CHST9: variants seen among roughly 807,000 people sequenced by gnomAD.
CHST9 encodes GalNAc-4-sulfotransferase 2.
A neutral mutation model predicts 44.4 loss-of-function variants in CHST9; 41 were observed. The ratio of observed to expected loss-of-function variants is 0.92; its 90% confidence interval spans 0.72 to 1.20. The LOEUF (loss-of-function observed/expected upper bound fraction) is 1.20, where lower values mean the gene tolerates loss of function less well. CHST9 is among the 50% of genes most tolerant of loss of function. The pLI, the probability that CHST9 is intolerant of heterozygous loss-of-function variation, is 0.00. For missense variants in CHST9, 504 were observed against 516.5 expected, an observed-to-expected ratio of 0.98 and a Z score of 0.23; for synonymous variants, 171 against 178.4, an observed-to-expected ratio of 0.96 and a Z score of 0.33.
chr18:26,971,219 T>A (rs918354932), intron 4 of CHST9, among the ~76,000 whole-genome samples: 12 of 148,752 alleles, frequency 8.1e-5, no homozygotes, highest in Non-Finnish European at 1.6e-4. Flanking sequence ...TAGTAGGTAC[T>A]TAATGTTGAT....
intron 4 of CHST9, among the ~76,000 whole-genome samples, chr18:26,968,940 G>C (rs1313392625): frequency 4.6e-5 from 7 of 151,290 alleles, no homozygotes; most frequent in Non-Finnish European, 8.8e-5. Context: ...CCTCACATGG[G>C]TTCAAGTCTA....
intron 2 of CHST9, among the ~76,000 whole-genome samples, chr18:27,093,956 A>G (rs1294126371): frequency 6.6e-6 from 1 of 151,874 alleles, no homozygotes; most frequent in Non-Finnish European, 1.5e-5. Flanking sequence ...AAAAAGGTGT[A>G]TGTTCTTAGT....
At chr18:27,106,468 G>T (rs927806087) in intron 2 of CHST9, among the ~76,000 whole-genome samples, 12 of 152,060 alleles carry the variant, frequency 7.9e-5, no homozygotes, top group African/African-American at 7.2e-5. Context: ...TGTTGTAATT[G>T]TTGTCTTAGC....
intron 4 of CHST9, among the ~76,000 whole-genome samples, chr18:26,973,842 A>G (rs182825955): frequency 3.1e-4 from 47 of 152,272 alleles, no homozygotes; most frequent in Admixed American, 3.0e-3. Context: ...CTTGGTGCCT[A>G]CGGGCTCAAG....
chr18:27,035,488 TTG>T (rs1488304822), intron 3 of CHST9, among the ~76,000 whole-genome samples: 3 of 152,116 alleles, frequency 2.0e-5, no homozygotes, highest in African/African-American at 7.2e-5. Context: ...AGACGTGTGT[TTG>T]TGTGTGTATT....
intron 4 of CHST9, among the ~76,000 whole-genome samples, chr18:26,986,190 G>T (rs1442800103): frequency 6.6e-6 from 1 of 151,992 alleles, no homozygotes; most frequent in East Asian, 1.9e-4. Context: ...TAGCAGGCAA[G>T]GATATTTTAA....
At chr18:27,183,329 A>G (rs1256733747) in intron 1 of CHST9, among the ~76,000 whole-genome samples, 1 of 152,228 alleles carries the variant, frequency 6.6e-6, no homozygotes, top group African/African-American at 2.4e-5. Flanking sequence ...GAAATGAGTA[A>G]GTACGTTTTG....
At chr18:27,073,682 C>T (rs762071254) in intron 2 of CHST9, among the ~76,000 whole-genome samples, 1 of 151,816 alleles carries the variant, frequency 6.6e-6, no homozygotes. Context: ...ATGAGATTGA[C>T]GTATTCAGTA....
intron 2 of CHST9, among the ~76,000 whole-genome samples, chr18:27,059,901 G>A (rs1398300220): frequency 6.6e-6 from 1 of 152,204 alleles, no homozygotes; most frequent in Non-Finnish European, 1.5e-5. Context: ...TGGATAGAAG[G>A]AAGAAAACAT....
intron 5 of CHST9, chr18:26,933,892 G>C (rs1353824234): frequency 6.5e-6 from 1 of 153,320 alleles, no homozygotes; most frequent in Non-Finnish European, 1.5e-5. Context: ...GGAAGGTTAC[G>C]TTAAATAGAT....
intron 4 of CHST9, among the ~76,000 whole-genome samples, chr18:26,974,585 T>C (rs569079459): frequency 6.6e-6 from 1 of 152,330 alleles, no homozygotes; most frequent in Admixed American, 6.5e-5. Context: ...CTGGCAGCTT[T>C]CAGATTCTTC....
intron 1 of CHST9, among the ~76,000 whole-genome samples, chr18:27,177,517 G>A (rs1233659674): frequency 6.6e-6 from 1 of 151,842 alleles, no homozygotes; most frequent in Non-Finnish European, 1.5e-5. Context: ...TCTTGGTACT[G>A]AAATTAATGG....
At chr18:27,120,008 G>A (rs2058361165) in intron 2 of CHST9, among the ~76,000 whole-genome samples, 1 of 152,212 alleles carries the variant, frequency 6.6e-6, no homozygotes, top group South Asian at 2.1e-4. Flanking sequence ...ACAAGGTGCT[G>A]TGAGAGAGAA....
At chr18:27,148,234 A>G (rs1311846031) in intron 1 of CHST9, among the ~76,000 whole-genome samples, 2 of 151,662 alleles carry the variant, frequency 1.3e-5, no homozygotes, top group East Asian at 1.9e-4. Flanking sequence ...CATGGTATAG[A>G]CGTACCACAT....
At chr18:27,168,957 G>A (rs2058812674) in intron 1 of CHST9, among the ~76,000 whole-genome samples, 1 of 152,170 alleles carries the variant, frequency 6.6e-6, no homozygotes. Context: ...TGGCCTTGAA[G>A]AAGCAAAAAA....
intron 2 of CHST9, among the ~76,000 whole-genome samples, chr18:27,122,134 C>T (rs137991848): frequency 2.1e-4 from 32 of 152,220 alleles, no homozygotes; most frequent in South Asian, 8.3e-4. Context: ...ATTATAATTA[C>T]GGAAGAACAA....
At chr18:27,083,083 A>G (rs2057976334) in intron 2 of CHST9, among the ~76,000 whole-genome samples, 1 of 152,176 alleles carries the variant, frequency 6.6e-6, no homozygotes, top group African/African-American at 2.4e-5. Flanking sequence ...CCGTAAGGAA[A>G]GGTAATACAT....
At chr18:27,091,408 T>C (rs550945248) in intron 2 of CHST9, among the ~76,000 whole-genome samples, 2 of 152,296 alleles carry the variant, frequency 1.3e-5, no homozygotes, top group East Asian at 3.9e-4. Context: ...CAATTTGACT[T>C]CCCGATTTCC....
intron 2 of CHST9, among the ~76,000 whole-genome samples, chr18:27,115,033 G>A (rs556032167): frequency 6.6e-6 from 1 of 152,208 alleles, no homozygotes; most frequent in South Asian, 2.1e-4. Flanking sequence ...AGTTTTGTAA[G>A]TGCCTGGCAT....
Sources: allele counts gnomAD v4.1 joint callset (sites outside exome capture counted in the v4.1 genomes callset), GRCh38; gene constraint gnomAD v4.1.1; transcripts MANE v1.5; gene names NCBI Gene and HGNC (gene_info 2026-07-23, HGNC 2026-07-21).